SDK1: variants seen among roughly 807,000 people sequenced by gnomAD.
SDK1 encodes protein sidekick-1.
SDK1 carries 157 observed loss-of-function variants against 245.5 expected under a neutral mutation model. The ratio of observed to expected loss-of-function variants is 0.64; its 90% CI spans 0.56 to 0.73. The LOEUF (loss-of-function observed/expected upper bound fraction) is 0.73. Ranked by LOEUF, SDK1 falls within the 30% of genes least tolerant of loss-of-function variation. SDK1 has a pLI of 0.00. For synonymous variants in SDK1, 1,647 were observed against 1,278.5 expected (o/e 1.29, Z -6.15); for missense variants, 3,583 against 3,002.3 (o/e 1.19, Z -4.52).
chr7:3,561,848 T>A (rs1390903992), intron 1 of SDK1, among the ~76,000 whole-genome samples: 1 of 152,236 alleles, frequency 6.6e-6, no homozygotes, highest in Non-Finnish European at 1.5e-5. Flanking sequence ...TGGCCTTGCA[T>A]TTGGAACATG....
rs1779645026 is a variant in SDK1 at position 3,821,500 on chromosome 7, A to C, written c.764A>C (p.Asp255Ala). ...QLVILATTTS[D>A]AGAYYVQAVN... ...GTGATCCTCGCCACCACAACCAGTG[A>C]TGCCGGGGCATACTACGTGCAGGCC... Residue 255 changes from aspartate to alanine, a missense_variant, in exon 5 of 45, where the codon GAT (aspartate) becomes GCT (alanine). By Grantham distance (126) the Asp-to-Ala change is moderately radical (BLOSUM62 -2). Transcript: ENST00000404826. 1 of 1,613,780 alleles carries C rather than the reference A, an allele frequency of 6.2e-7. No homozygotes were observed. The highest frequency in any genetic ancestry group is 8.5e-7 in the Non-Finnish European group (1 of 1,179,876).
intron 1 of SDK1, among the ~76,000 whole-genome samples, chr7:3,618,598 T>C (rs1781840876): frequency 6.6e-6 from 1 of 152,198 alleles, no homozygotes; most frequent in Non-Finnish European, 1.5e-5. Flanking sequence ...CATTTCCACG[T>C]GTGTATGAAA....
At chr7:3,653,448 G>A (rs1298788052) in intron 4 of SDK1, among the ~76,000 whole-genome samples, 3 of 152,142 alleles carry the variant, frequency 2.0e-5, no homozygotes, top group African/African-American at 7.2e-5. Flanking sequence ...GCATGGAGGG[G>A]CAGATCAGTG....
chr7:3,449,971 T>A (rs202140821), intron 1 of SDK1, among the ~76,000 whole-genome samples: 2 of 152,060 alleles, frequency 1.3e-5, no homozygotes, highest in Non-Finnish European at 2.9e-5. Flanking sequence ...AGACTGGCTG[T>A]TGGGGGGTCG....
At chr7:3,975,965 TCCTCCA>T (rs1782921999) in intron 13 of SDK1, among the ~76,000 whole-genome samples, 1 of 113,532 alleles carries the variant, frequency 8.8e-6, no homozygotes, top group Admixed American at 9.2e-5. Context: ...ACGCAGAGGG[TCCTCCA>T]GAGAATCACT....
intron 34 of SDK1, among the ~76,000 whole-genome samples, chr7:4,177,059 A>G (rs665580): frequency 0.018 from 2,712 of 151,904 alleles, 36 homozygotes; most frequent in South Asian, 0.062. Flanking sequence ...CCCCGAGCCT[A>G]TGTTGTGTTC....
At chr7:3,677,509 C>T (rs980178156) in intron 4 of SDK1, among the ~76,000 whole-genome samples, 3 of 152,258 alleles carry the variant, frequency 2.0e-5, no homozygotes, top group Admixed American at 2.0e-4. Context: ...ATAAAAGCAT[C>T]AGATCTCGTG....
chr7:3,433,580 A>G (rs1012421979), intron 1 of SDK1, among the ~76,000 whole-genome samples: 2 of 152,200 alleles, frequency 1.3e-5, no homozygotes, highest in South Asian at 2.1e-4. Flanking sequence ...ACAATTTTCT[A>G]GCACAATGAC....
At chr7:4,124,909 T>C (rs1369974343) in intron 25 of SDK1, among the ~76,000 whole-genome samples, 1 of 149,840 alleles carries the variant, frequency 6.7e-6, no homozygotes, top group Non-Finnish European at 1.5e-5. Context: ...GATGGATGGA[T>C]GGATGGATGG....
intron 5 of SDK1, among the ~76,000 whole-genome samples, chr7:3,912,960 G>A (rs1398661357): frequency 1.3e-5 from 2 of 152,232 alleles, no homozygotes; most frequent in African/African-American, 4.8e-5. Context: ...CAACCGTGGA[G>A]GGCCGAAGGC....
intron 1 of SDK1, among the ~76,000 whole-genome samples, chr7:3,356,801 T>A (rs1271200345): frequency 6.6e-6 from 1 of 152,126 alleles, no homozygotes; most frequent in African/African-American, 2.4e-5. Flanking sequence ...CTCATGCCTG[T>A]AATCCCAGCA....
At chr7:3,605,948 A>G (rs183158512) in intron 1 of SDK1, among the ~76,000 whole-genome samples, 84 of 152,268 alleles carry the variant, frequency 5.5e-4, no homozygotes, top group Middle Eastern at 6.8e-3. Flanking sequence ...GAATGATCCA[A>G]TTATCTAATT....
chr7:4,185,992 C>T (rs1175306978), intron 35 of SDK1, among the ~76,000 whole-genome samples: 1 of 152,132 alleles, frequency 6.6e-6, no homozygotes, highest in African/African-American at 2.4e-5. Flanking sequence ...CCAGGGAGCT[C>T]AGGGAGGGCC....
At chr7:3,561,894 CTTTCT>C (rs1211276998) in intron 1 of SDK1, among the ~76,000 whole-genome samples, 1 of 152,194 alleles carries the variant, frequency 6.6e-6, no homozygotes, top group Non-Finnish European at 1.5e-5. Context: ...GAATATTTCA[CTTTCT>C]TTTCTAAGTT....
intron 4 of SDK1, among the ~76,000 whole-genome samples, chr7:3,701,924 C>CAAAAA (rs58687135): frequency 3.1e-3 from 263 of 85,652 alleles, no homozygotes; most frequent in East Asian, 8.2e-3. Flanking sequence ...CGTGCATAAG[C>CAAAAA]AAAAAAAAAA....
chr7:4,182,570 C>T (rs1455262891), intron 35 of SDK1, among the ~76,000 whole-genome samples: 1 of 152,192 alleles, frequency 6.6e-6, no homozygotes, highest in East Asian at 1.9e-4. Context: ...GAATCAGTGT[C>T]TCATAGCAGG....
chr7:3,369,753 T>A (rs541106731), intron 1 of SDK1, among the ~76,000 whole-genome samples: 53 of 152,356 alleles, frequency 3.5e-4, no homozygotes, highest in African/African-American at 1.3e-3. Context: ...TTTGAAAGTT[T>A]GAAGTTGTTG....
chr7:3,837,637 G>T (rs1250014960), intron 5 of SDK1, among the ~76,000 whole-genome samples: 1 of 152,088 alleles, frequency 6.6e-6, no homozygotes, highest in Non-Finnish European at 1.5e-5. Context: ...TACATTAGCT[G>T]GCTCTGGAAG....
At chr7:3,602,520 GTTGT>G (rs1191115664) in intron 1 of SDK1, among the ~76,000 whole-genome samples, 5 of 152,048 alleles carry the variant, frequency 3.3e-5, no homozygotes, top group Admixed American at 1.3e-4. Flanking sequence ...TTTTGATGGG[GTTGT>G]TTGTTTTTTT....
Sources: allele counts gnomAD v4.1 joint callset (sites outside exome capture counted in the v4.1 genomes callset), GRCh38; gene constraint gnomAD v4.1.1; transcripts MANE v1.5; gene names NCBI Gene and HGNC (gene_info 2026-07-23, HGNC 2026-07-21).